Variants in DNAH14 observed in about 807,000 individuals in gnomAD.
The protein encoded by DNAH14 is axonemal beta dynein heavy chain 14.
Under a neutral mutation model 520.9 loss-of-function variants are expected in DNAH14, and 478 were observed. The ratio of observed to expected loss-of-function variants is 0.92; its 90% CI spans 0.85 to 0.99. DNAH14 has a LOEUF of 0.99. DNAH14 is among the 50% of genes least tolerant of loss of function. The probability of loss-of-function intolerance (pLI) is 0.00; values close to 1 mark genes in which losing one functional copy is unlikely to be tolerated. For missense variants in DNAH14, 4,831 were observed against 5,234.5 expected, an observed-to-expected ratio of 0.92 and a Z score of 2.38; for synonymous variants, 1,581 against 1,757.2, an observed-to-expected ratio of 0.90 and a Z score of 2.51.
intron 49 of DNAH14, among the ~76,000 whole-genome samples, chr1:225,267,515 G>A (rs35635781): frequency 1.8e-3 from 277 of 151,950 alleles, no homozygotes; most frequent in Non-Finnish European, 3.0e-3. Context: ...GGATGGTCTC[G>A]ATCTGACCTC....
chr1:225,161,234 T>G (rs1373434090), intron 35 of DNAH14, among the ~76,000 whole-genome samples: 3 of 152,160 alleles, frequency 2.0e-5, no homozygotes, highest in Non-Finnish European at 4.4e-5. Context: ...TTAATTGTTT[T>G]TATGTTTAGG....
chr1:225,354,137 T>C (rs2095404143), intron 73 of DNAH14: 1 of 703,982 alleles, frequency 1.4e-6, no homozygotes, highest in Non-Finnish European at 2.6e-6. Flanking sequence ...GGAGGACTCA[T>C]AGCCCTGTCC....
In DNAH14 at chr1:225,006,337, A is replaced by G. The variant is rs115056968; in HGVS notation, c.976-1076A>G. Among the ~76,000 whole-genome samples, 708 of 152,352 alleles carry G rather than the reference A, an allele frequency of 4.6e-3. 4 individuals are homozygous for G. Among genetic ancestry groups the G allele is most frequent in the African/African-American group, 0.016 (664 of 41,578 alleles). ...GCACCTTGAAAAAGAACAGGTAACA[A>G]TGATTTTCAGGAAACAAGGGAGATA... On this transcript the variant is annotated intron_variant, in intron 9 of 85. Transcript: ENST00000682510.
chr1:224,954,884 A>G (rs1442401416), intron 2 of DNAH14, 75 bp from the exon 3 acceptor site: 1 of 1,191,390 alleles, frequency 8.4e-7, no homozygotes, highest in Non-Finnish European at 1.2e-6. Context: ...AATTTTGGTA[A>G]TATGCTAATA....
At chr1:225,032,816 AT>A (rs1246640732) in intron 11 of DNAH14, among the ~76,000 whole-genome samples, 1 of 151,830 alleles carries the variant, frequency 6.6e-6, no homozygotes, top group Admixed American at 6.6e-5. Flanking sequence ...TTTGATTTGC[AT>A]TTTTCTAATG....
At chr1:225,193,602 G>C (rs2085731357) in intron 38 of DNAH14, among the ~76,000 whole-genome samples, 2 of 152,076 alleles carry the variant, frequency 1.3e-5, no homozygotes. Context: ...CATACTGAGT[G>C]GGGAAAAGCT....
intron 59 of DNAH14, 81 bp downstream of exon 59, chr1:225,307,650 G>A: frequency 2.8e-6 from 3 of 1,058,230 alleles, no homozygotes; most frequent in Non-Finnish European, 3.9e-6. Flanking sequence ...TCTGATACCT[G>A]ACAAAGACAG....
intron 26 of DNAH14, among the ~76,000 whole-genome samples, chr1:225,122,274 C>T (rs937874255): frequency 2.0e-5 from 3 of 152,118 alleles, no homozygotes; most frequent in Non-Finnish European, 4.4e-5. Flanking sequence ...TGGTGAGTCC[C>T]TCTTCTAAAA....
chr1:225,319,376 A>G (rs12757500), intron 61 of DNAH14, among the ~76,000 whole-genome samples: 17,244 of 152,194 alleles, frequency 0.11, 1,181 homozygotes, highest in East Asian at 0.27. Context: ...TCAACAAACA[A>G]TGGGAACCTA....
intron 43 of DNAH14, among the ~76,000 whole-genome samples, chr1:225,245,074 T>A (rs917234002): frequency 6.6e-6 from 1 of 152,064 alleles, no homozygotes; most frequent in Non-Finnish European, 1.5e-5. Context: ...TTTCAAAAAA[T>A]TTATTTATTT....
At chr1:224,965,979 T>A (rs74554361) in intron 5 of DNAH14, among the ~76,000 whole-genome samples, 10 of 152,120 alleles carry the variant, frequency 6.6e-5, no homozygotes, top group African/African-American at 2.2e-4. Flanking sequence ...GAACATATTC[T>A]TATGCTTTTA....
chr1:225,072,076 A>T (rs1221667713), intron 17 of DNAH14, among the ~76,000 whole-genome samples: 1 of 152,146 alleles, frequency 6.6e-6, no homozygotes, highest in East Asian at 1.9e-4. Flanking sequence ...CCTGAATTTT[A>T]ATGTTGGCTT....
At chr1:225,066,272 A>G (rs2070875957) in intron 17 of DNAH14, among the ~76,000 whole-genome samples, 1 of 151,950 alleles carries the variant, frequency 6.6e-6, no homozygotes, top group African/African-American at 2.4e-5. Context: ...TATTTTCTCC[A>G]AATTCATAGG....
Position 225,078,788 on chromosome 1 carries a change from C to T in DNAH14, c.2425-419C>T, listed in dbSNP as rs1407912002. On this transcript the variant is annotated intron_variant, in intron 17 of 85. Transcript: ENST00000682510. ...TCTCAATCTCTCTCTCTCTCTCTCT[C>T]TCTCTCTCTCTCTCTCTCTCTCTCT... 6.1e-4 allele frequency among the ~76,000 whole-genome samples: 28 copies of T among 46,268 alleles called. 1 individual carries two copies. Among genetic ancestry groups the T allele is most frequent in the Middle Eastern group, 0.018 (2 of 112 alleles). The allele number at this position is 46,268 out of a possible 152,430, so 30.4% of individuals were successfully genotyped here. A position where few individuals can be genotyped will look rare whatever the true frequency, so the allele number is the denominator to read the frequency against.
chr1:225,162,703 A>C (rs1308847787), intron 35 of DNAH14, among the ~76,000 whole-genome samples: 1 of 152,082 alleles, frequency 6.6e-6, no homozygotes, highest in Non-Finnish European at 1.5e-5. Flanking sequence ...TGTCTTCTTC[A>C]ATTTCAGTGT....
At chr1:225,055,988 A>G (rs2069036337) in intron 17 of DNAH14, among the ~76,000 whole-genome samples, 1 of 151,944 alleles carries the variant, frequency 6.6e-6, no homozygotes, top group African/African-American at 2.4e-5. Flanking sequence ...TAGTGCTGCA[A>G]TAAATATACA....
chr1:225,360,585 T>G lies in DNAH14; in HGVS notation c.11777-96T>G, dbSNP rs1276118294. The G allele has an allele frequency of 1.9e-5, 23 of 1,183,936 alleles. No homozygotes were observed. In the East Asian group the frequency reaches 5.1e-4, roughly 26 times the overall value. 73.3% of individuals were successfully genotyped at this position (1,183,936 alleles called of 1,614,324 possible). On this transcript the variant is annotated intron_variant, in intron 74 of 85. Coordinates refer to ENST00000682510, the MANE Select transcript of DNAH14 (RefSeq NM_001367479.1). ...GTAGTCTTTCCGCTATGACTATACCTTTTCCCAACACTACTCAATAAATGC... is the reference window on the plus strand; with the variant it reads ...GTAGTCTTTCCGCTATGACTATACCGTTTCCCAACACTACTCAATAAATGC...
Position 224,946,460 on chromosome 1 carries a change from G to A in DNAH14, c.-33-6210G>A, listed in dbSNP as rs916807254. ...GCTTCCCTTGCTTCGGCTCACGCTCGGTGTGCTGCACCCACTGTCCTGCAC... is the reference window on the plus strand; with the variant it reads ...GCTTCCCTTGCTTCGGCTCACGCTCAGTGTGCTGCACCCACTGTCCTGCAC... On this transcript the variant is annotated intron_variant, in intron 1 of 85. Transcript: ENST00000682510. Among the ~76,000 whole-genome samples the A allele has an allele frequency of 2.6e-5, 4 of 152,036 alleles. No homozygotes were observed. The South Asian group carries it at 8.3e-4, about 32-fold the overall frequency.
chr1:225,221,015 G>A (rs1448421323), intron 41 of DNAH14, among the ~76,000 whole-genome samples: 1 of 152,028 alleles, frequency 6.6e-6, no homozygotes, highest in Non-Finnish European at 1.5e-5. Context: ...TCTACAACCA[G>A]CTGATCTTCG....
Sources: allele counts gnomAD v4.1 joint callset (sites outside exome capture counted in the v4.1 genomes callset), GRCh38; gene constraint gnomAD v4.1.1; transcripts MANE v1.5; gene names NCBI Gene and HGNC (gene_info 2026-07-23, HGNC 2026-07-21).